The following LCT variants were observed in gnomAD, a reference collection of about 807,000 sequenced individuals.
LCT encodes lactase.
Under a neutral mutation model 173.0 loss-of-function variants are expected in LCT, and 90 were observed. That is an observed-to-expected ratio of 0.52 (90% CI 0.44 to 0.62). The LOEUF is 0.62. LCT is among the 20% of genes least tolerant of loss of function. The probability of loss-of-function intolerance (pLI) is 0.00; values close to 1 mark genes in which losing one functional copy is unlikely to be tolerated. For synonymous variants in LCT, 853 were observed against 957.6 expected (o/e 0.89, Z 2.02); for missense variants, 1,864 against 2,431.4 (o/e 0.77, Z 4.91).
intron 3 of LCT, among the ~76,000 whole-genome samples, chr2:135,824,690 A>G (rs1474847127): frequency 6.6e-6 from 1 of 152,142 alleles, no homozygotes; most frequent in Non-Finnish European, 1.5e-5. Context: ...TGGATGTTAG[A>G]AATTTTCCAA....
Position 135,817,566 on chromosome 2 carries a change from C to T in LCT, c.1482G>A (p.Thr494=), listed in dbSNP as rs202008984. 9.3e-6 allele frequency: 15 copies of T among 1,614,156 alleles called. No homozygotes were observed. The highest frequency in any genetic ancestry group is 5.3e-5 in the African/African-American group (4 of 75,058). The stretch of plus-strand genomic sequence containing the variant: ...CCTGAGGCAGGTCCCAGTGGAACAG[C>T]GTGGCCATGGGCTCGATGCCCGCAT... ...LQDAGIEPMA[T]LFHWDLPQAL... The change falls in exon 6 of 17, where the codon ACG becomes ACA. Residue 494 remains threonine, a synonymous_variant. Coordinates refer to ENST00000264162, the MANE Select transcript of LCT (RefSeq NM_002299.4).
At chr2:135,788,629 G>A in intron 16 of LCT, 85 bp from the exon 17 acceptor site, 3 of 889,692 alleles carry the variant, frequency 3.4e-6, no homozygotes, top group South Asian at 2.6e-5. Flanking sequence ...AGGCTGCACG[G>A]TACCCCAAAT....
At chr2:135,806,669 C>T (rs561848609) in intron 9 of LCT, among the ~76,000 whole-genome samples, 2 of 152,338 alleles carry the variant, frequency 1.3e-5, no homozygotes, top group South Asian at 4.1e-4. Context: ...CAGTAACAGG[C>T]TGTACAGGTT....
chr2:135,823,792 T>TTCC, intron 4 of LCT, 109 bp downstream of exon 4: 1 of 772,424 alleles, frequency 1.3e-6, no homozygotes, highest in Admixed American at 2.0e-5. Context: ...TATACTAGTC[T>TTCC]TCCTCCCATG....
intron 3 of LCT, among the ~76,000 whole-genome samples, chr2:135,826,403 A>AC (rs2077889533): frequency 2.0e-5 from 1 of 48,870 alleles, no homozygotes; most frequent in South Asian, 1.4e-3. Flanking sequence ...CTACAAATAC[A>AC]AAAAAAAAAA....
chr2:135,794,309 C>T (rs2077560266), intron 14 of LCT: 2 of 234,516 alleles, frequency 8.5e-6, no homozygotes, highest in African/African-American at 4.5e-5. Context: ...CAATTTTTTT[C>T]TTGAAAATCC....
chr2:135,797,097 G>A (rs1036999836), intron 13 of LCT, among the ~76,000 whole-genome samples: 13 of 152,062 alleles, frequency 8.5e-5, no homozygotes, highest in Admixed American at 1.3e-4. Context: ...ACAGGCCCCC[G>A]CCACCGCACC....
chr2:135,806,105 C>G (rs368535043), intron 9 of LCT, among the ~76,000 whole-genome samples: 1 of 152,134 alleles, frequency 6.6e-6, no homozygotes, highest in Non-Finnish European at 1.5e-5. Flanking sequence ...CCTGCCTCAG[C>G]CTCCCGAGTA....
intron 5 of LCT, among the ~76,000 whole-genome samples, chr2:135,819,949 T>G (rs573007547): frequency 6.6e-6 from 1 of 152,296 alleles, no homozygotes; most frequent in South Asian, 2.1e-4. Context: ...AACCCTGGGT[T>G]TGCCGGCCAT....
chr2:135,807,429 T>C, intron 8 of LCT, 33 bp from the exon 9 acceptor site: 3 of 1,612,098 alleles, frequency 1.9e-6, no homozygotes, highest in Non-Finnish European at 1.7e-6. Flanking sequence ...AGAGGAGAGC[T>C]TGACACCAGG....
At chr2:135,835,414 G>C (rs1292364044) in intron 1 of LCT, among the ~76,000 whole-genome samples, 1 of 143,168 alleles carries the variant, frequency 7.0e-6, no homozygotes, top group East Asian at 2.1e-4. Flanking sequence ...ACCATGCCTG[G>C]CTCAAGTTTT....
rs769031952 is a variant in LCT, at chr2:135,809,296, T to A, written c.3051A>T (p.Thr1017=). The change falls in exon 8 of 17, where the codon ACA becomes ACT. Residue 1017 remains threonine (T), a synonymous_variant. Coordinates refer to ENST00000264162, the MANE Select transcript of LCT (RefSeq NM_002299.4). This position sits in a 1 kb window ranked among gnomAD's most constrained non-coding sequence, Gnocchi z 5.5. ...LVASNIFPMV[T]LFHWDLPQAL... ...CCTGGGGCAGGTCCCAATGGAACAATGTCACCATGGGAAAGATGTTGCTTG... is the reference window on the plus strand; with the variant it reads ...CCTGGGGCAGGTCCCAATGGAACAAAGTCACCATGGGAAAGATGTTGCTTG... 1.9e-6 allele frequency: 3 copies of A among 1,614,238 alleles called. No individual in the cohort carries two copies. The Admixed American group carries it at 5.0e-5, about 27-fold the overall frequency.
intron 5 of LCT, among the ~76,000 whole-genome samples, chr2:135,819,753 G>C (rs187109598): frequency 6.6e-6 from 1 of 152,138 alleles, no homozygotes; most frequent in African/African-American, 2.4e-5. Flanking sequence ...GATGTGTCGC[G>C]TCCCCTCGGT....
intron 12 of LCT, among the ~76,000 whole-genome samples, chr2:135,799,673 C>G (rs2077609552): frequency 6.6e-6 from 1 of 152,172 alleles, no homozygotes; most frequent in Non-Finnish European, 1.5e-5. Context: ...TGGTCTAGAA[C>G]TCCTGACCTC....
chr2:135,827,598 TG>T (rs963154471), intron 3 of LCT, among the ~76,000 whole-genome samples: 1 of 152,104 alleles, frequency 6.6e-6, no homozygotes, highest in Non-Finnish European at 1.5e-5. Flanking sequence ...GATTTGGGGA[TG>T]AAATTGTTCC....
intron 4 of LCT, among the ~76,000 whole-genome samples, chr2:135,823,281 A>G (rs2077852534): frequency 6.6e-6 from 1 of 152,116 alleles, no homozygotes; most frequent in Non-Finnish European, 1.5e-5. Flanking sequence ...GTCTCCAGTG[A>G]CTGCCAGCCT....
rs768656506 is a variant in LCT, at chr2:135,817,803, C to T, written c.1245G>A (p.Arg415=). The stretch of plus-strand genomic sequence containing the variant: ...CTTGGCCCTCAGTGGTGTTCAGGGG[C>T]CTGCGTGGATCCCAGATGCTCACCC... The part of the protein sequence containing the change: ...GRGVSIWDPR[R]PLNTTEGQAT... Residue 415 remains arginine, a synonymous_variant, in exon 6 of 17, where the codon AGG becomes AGA. Coordinates refer to ENST00000264162, the MANE Select transcript of LCT (RefSeq NM_002299.4). 6.2e-7 allele frequency: 1 copy of T among 1,614,050 alleles called. No homozygotes were observed. Among genetic ancestry groups the T allele is most frequent in the South Asian group, 1.1e-5 (1 of 91,088 alleles).
rs76593250 is a variant in LCT at position 135,819,802 on chromosome 2, C to T, written c.987-1741G>A. Among the ~76,000 whole-genome samples, 3 of 152,308 alleles carry T rather than the reference C, an allele frequency of 2.0e-5. No individual in the cohort carries two copies. In the East Asian group the frequency reaches 5.8e-4, roughly 29 times the overall value. ...GTATCCACGGTGCCCATAAACACAGCGTCCGCTGCTCCGAACCTCGCTCTT... is the reference window on the plus strand; with the variant it reads ...GTATCCACGGTGCCCATAAACACAGTGTCCGCTGCTCCGAACCTCGCTCTT... On this transcript the variant is annotated intron_variant, in intron 5 of 16. Coordinates refer to ENST00000264162, the MANE Select transcript of LCT (RefSeq NM_002299.4).
chr2:135,789,515 C>T (rs1334487665), intron 16 of LCT, 56 bp downstream of exon 16: 5 of 1,224,570 alleles, frequency 4.1e-6, no homozygotes, highest in Non-Finnish European at 6.0e-6. Context: ...CTGAGAGAGG[C>T]CCTTCCACCT....
Sources: allele counts gnomAD v4.1 joint callset (sites outside exome capture counted in the v4.1 genomes callset), GRCh38; gene constraint gnomAD v4.1.1; non-coding constraint Gnocchi (gnomAD v3.1); transcripts MANE v1.5; gene names NCBI Gene and HGNC (gene_info 2026-07-23, HGNC 2026-07-21).